Variants in ZFHX3 observed in about 807,000 individuals in gnomAD.
The protein encoded by ZFHX3 is zinc finger homeobox protein 3.
A neutral mutation model predicts 279.1 loss-of-function variants in ZFHX3; 42 were observed. The observed-to-expected ratio is 0.15, with a 90% CI of 0.12 to 0.19. The LOEUF (loss-of-function observed/expected upper bound fraction) is 0.19. Among genes scored for constraint, ZFHX3 ranks in the 10% least tolerant of loss-of-function variants. The pLI is 1.00. For synonymous variants in ZFHX3, 2,293 were observed against 1,957.8 expected (o/e 1.17, Z -4.52); for missense variants, 4,981 against 4,754.0 (o/e 1.05, Z -1.40).
intron 4 of ZFHX3, among the ~76,000 whole-genome samples, chr16:73,287,249 GT>G (rs2014637844): frequency 2.7e-5 from 4 of 148,764 alleles, no homozygotes; most frequent in East Asian, 2.1e-4. Context: ...GTGTATGGGT[GT>G]GTGGGTGTGT....
chr16:73,032,055 A>C (rs1383908090), intron 1 of ZFHX3, among the ~76,000 whole-genome samples: 1 of 152,170 alleles, frequency 6.6e-6, no homozygotes, highest in Non-Finnish European at 1.5e-5. Context: ...AAACTGGCCA[A>C]ATAGGCTGGG....
chr16:73,559,694 C>T (rs909165966), intron 2 of ZFHX3, among the ~76,000 whole-genome samples: 12 of 152,162 alleles, frequency 7.9e-5, no homozygotes, highest in South Asian at 4.1e-4. Flanking sequence ...ACATAGAAGA[C>T]GACACGGCAG....
chr16:73,136,934 G>C (rs1178402535), intron 6 of ZFHX3, among the ~76,000 whole-genome samples: 1 of 150,644 alleles, frequency 6.6e-6, no homozygotes, highest in Admixed American at 6.7e-5. Context: ...CTGCCTACTA[G>C]ATAATTCTGT....
chr16:73,616,040 AATG>A (rs745494842), intron 2 of ZFHX3, among the ~76,000 whole-genome samples: 2 of 151,958 alleles, frequency 1.3e-5, no homozygotes, highest in Non-Finnish European at 2.9e-5. Flanking sequence ...TTTAGATTAG[AATG>A]TTTGGATTGA....
At chr16:73,606,993 A>AAACAACAAC (rs58670861) in intron 2 of ZFHX3, among the ~76,000 whole-genome samples, 78,982 of 151,396 alleles carry the variant, frequency 0.52, 23,431 homozygotes, top group East Asian at 0.77. Context: ...ACAAACAAAC[A>AAACAACAAC]AACAACAACA....
At chr16:73,160,368 T>C (rs1404505348) in intron 5 of ZFHX3, among the ~76,000 whole-genome samples, 1 of 152,198 alleles carries the variant, frequency 6.6e-6, no homozygotes. Context: ...GTAGGGAGTA[T>C]GGTGATTTGC....
intron 2 of ZFHX3, among the ~76,000 whole-genome samples, chr16:73,583,698 T>G (rs1344661855): frequency 6.6e-6 from 1 of 152,222 alleles, no homozygotes; most frequent in Non-Finnish European, 1.5e-5. Context: ...TCTATCATGC[T>G]TAATTCAATT....
chr16:73,560,742 G>A (rs1212917206), intron 2 of ZFHX3, among the ~76,000 whole-genome samples: 1 of 152,206 alleles, frequency 6.6e-6, no homozygotes, highest in Non-Finnish European at 1.5e-5. Flanking sequence ...CCATAATCAG[G>A]AGATGGGAAG....
At position 73,861,773 on chromosome 16, in the gene ZFHX3, T is replaced by A. The variant is rs1462615730; in HGVS notation, c.-1608+29878A>T. On this transcript the variant is annotated intron_variant, in intron 1 of 17. Transcript: ENST00000641206. ...AAATAATTTGTACACAGAAATAGAA[T>A]TAATCCTAATGCTATTTCTGTGTAC... 3.3e-5 allele frequency among the ~76,000 whole-genome samples: 5 copies of A among 152,292 alleles called. No homozygotes were observed. In the East Asian group the frequency reaches 7.7e-4, roughly 24 times the overall value.
chr16:73,127,605 G>T, intron 7 of ZFHX3: 1 of 1,296,404 alleles, frequency 7.7e-7, no homozygotes. Flanking sequence ...GAGCACTGCT[G>T]GCAGGCAAGA....
At chr16:73,279,219 C>T (rs565095630) in intron 4 of ZFHX3, among the ~76,000 whole-genome samples, 2 of 151,922 alleles carry the variant, frequency 1.3e-5, no homozygotes, top group South Asian at 4.2e-4. Context: ...TTGGTTTTTC[C>T]CTCCAAGGAG....
chr16:72,983,737 G>A (rs990252327), intron 1 of ZFHX3, among the ~76,000 whole-genome samples: 1 of 151,270 alleles, frequency 6.6e-6, no homozygotes, highest in Non-Finnish European at 1.5e-5. Flanking sequence ...AGAGAGAAAG[G>A]CTGCTTAAGC....
intron 4 of ZFHX3, among the ~76,000 whole-genome samples, chr16:72,869,905 A>G (rs2038112651): frequency 6.6e-6 from 1 of 152,188 alleles, no homozygotes; most frequent in South Asian, 2.1e-4. Flanking sequence ...TCAAGAGACA[A>G]ATCAATATCA....
At chr16:73,838,785 T>C (rs1459829456) in intron 1 of ZFHX3, among the ~76,000 whole-genome samples, 14 of 146,934 alleles carry the variant, frequency 9.5e-5, no homozygotes, top group African/African-American at 3.8e-4. Flanking sequence ...TGTGTGTGTG[T>C]GTGTGCGTGC....
intron 5 of ZFHX3, among the ~76,000 whole-genome samples, chr16:73,203,743 G>T (rs1435094895): frequency 6.6e-6 from 1 of 152,178 alleles, no homozygotes; most frequent in Admixed American, 6.5e-5. Context: ...AGCACTTACT[G>T]CAGTATATAG....
At chr16:73,881,041 G>C (rs528670720) in intron 1 of ZFHX3, among the ~76,000 whole-genome samples, 88 of 152,194 alleles carry the variant, frequency 5.8e-4, no homozygotes, top group Non-Finnish European at 8.8e-4. Context: ...TACTACATCC[G>C]CTCTTCAAAT....
intron 5 of ZFHX3, among the ~76,000 whole-genome samples, chr16:73,214,065 A>G (rs976803380): frequency 6.6e-6 from 1 of 152,198 alleles, no homozygotes; most frequent in Admixed American, 6.5e-5. Context: ...CATCCAGTAA[A>G]CACGGAGACC....
At chr16:72,986,838 T>C (rs1039308008) in intron 1 of ZFHX3, among the ~76,000 whole-genome samples, 12 of 151,792 alleles carry the variant, frequency 7.9e-5, no homozygotes, top group African/African-American at 2.9e-4. Context: ...GTTTTCAGAG[T>C]GTGAAATGGA....
At chr16:73,493,574 C>A (rs1345945452) in intron 2 of ZFHX3, among the ~76,000 whole-genome samples, 1 of 152,170 alleles carries the variant, frequency 6.6e-6, no homozygotes, top group Non-Finnish European at 1.5e-5. Context: ...TGGGCAGGGC[C>A]AGGCTGGCCC....
Sources: gnomAD v4.1 joint callset for allele counts (sites outside exome capture counted in the v4.1 genomes callset) on GRCh38, gnomAD v4.1.1 for gene constraint, MANE v1.5 for transcripts, NCBI Gene and HGNC (gene_info 2026-07-23, HGNC 2026-07-21) for gene names.